Variants in CR2 observed in about 807,000 individuals in gnomAD.
The protein encoded by CR2 is complement C3d receptor 2.
Under a neutral mutation model 123.0 loss-of-function variants are expected in CR2, and 96 were observed. The ratio of observed to expected loss-of-function variants is 0.78; its 90% confidence interval spans 0.66 to 0.93. CR2 has a LOEUF of 0.93. Ranked by LOEUF, CR2 falls within the 40% of genes least tolerant of loss-of-function variation. CR2 has a pLI of 0.00. For synonymous variants in CR2, 484 were observed against 469.5 expected, an observed-to-expected ratio of 1.03 and a Z score of -0.40; for missense variants, 1,258 against 1,361.0, an observed-to-expected ratio of 0.92 and a Z score of 1.19.
At chr1:207,482,049 T>C (rs906639347) in intron 18 of CR2, among the ~76,000 whole-genome samples, 12 of 152,142 alleles carry the variant, frequency 7.9e-5, no homozygotes, top group Non-Finnish European at 5.9e-5. Context: ...AATATTGGCA[T>C]ATTTTAACCT....
At chr1:207,482,919 G>C (rs1658643466) in intron 18 of CR2, among the ~76,000 whole-genome samples, 1 of 151,428 alleles carries the variant, frequency 6.6e-6, no homozygotes, top group African/African-American at 2.4e-5. Flanking sequence ...GGTGATTGAA[G>C]GCGAAAGTGG....
intron 8 of CR2, 140 bp downstream of exon 8, chr1:207,471,227 A>C: frequency 1.1e-6 from 1 of 951,686 alleles, no homozygotes; most frequent in African/African-American, 1.6e-5. Context: ...TCACATGGTC[A>C]TGGAAGTGTC....
intron 17 of CR2, among the ~76,000 whole-genome samples, chr1:207,479,717 G>A (rs1658551747): frequency 6.6e-6 from 1 of 152,110 alleles, no homozygotes; most frequent in African/African-American, 2.4e-5. Flanking sequence ...AAAACTAAAA[G>A]GAACAGAAAA....
At chr1:207,470,677 C>G (rs1658244702) in intron 6 of CR2, 63 bp from the exon 7 acceptor site, 2 of 1,514,988 alleles carry the variant, frequency 1.3e-6, no homozygotes, top group Admixed American at 1.7e-5. Flanking sequence ...ATTTCTTTGG[C>G]TCAGTTTCTT....
intron 1 of CR2, among the ~76,000 whole-genome samples, chr1:207,455,270 C>T (rs1657805271): frequency 6.6e-6 from 1 of 152,202 alleles, no homozygotes; most frequent in Admixed American, 6.5e-5. Flanking sequence ...GTTTATAAGA[C>T]GTTTACTGTG....
At chr1:207,477,145 T>C (rs1333856337) in intron 15 of CR2, among the ~76,000 whole-genome samples, 3 of 152,222 alleles carry the variant, frequency 2.0e-5, no homozygotes, top group Non-Finnish European at 4.4e-5. Flanking sequence ...TATCTGAAAC[T>C]GGGTAATTTA....
rs779365020 is a variant in CR2 at position 207,454,439 on chromosome 1, C to T, written c.21C>T (p.Leu7=). 3.3e-5 allele frequency: 53 copies of T among 1,585,270 alleles called. No individual in the cohort carries two copies. The highest frequency in any genetic ancestry group is 4.2e-5 in the Non-Finnish European group (49 of 1,172,338). Residue 7 remains leucine (L), a synonymous_variant, in exon 1 of 20, where the codon CTC becomes CTT. Coordinates refer to ENST00000367057, the MANE Select transcript of CR2 (RefSeq NM_001006658.3). The surrounding 1 kb of genome is among the most constrained non-coding windows in gnomAD (Gnocchi z 4.3). Reference sequence around the variant, plus strand: ...GTGGCATGGGCGCCGCGGGCCTGCTCGGGGTTTTCTTGGCTCTCGTCGCAC... The same window carrying T: ...GTGGCATGGGCGCCGCGGGCCTGCTTGGGGTTTTCTTGGCTCTCGTCGCAC... The part of the protein sequence containing the change: MGAAGL[L]GVFLALVAPG...
At chr1:207,479,109 C>T (rs1658528684) in intron 16 of CR2, 148 bp from the exon 17 acceptor site, 1 of 678,156 alleles carries the variant, frequency 1.5e-6, no homozygotes. Context: ...CAGGCATGTG[C>T]CACTGTGCCT....
intron 2 of CR2, among the ~76,000 whole-genome samples, chr1:207,467,135 T>C (rs557469278): frequency 1.3e-5 from 2 of 152,162 alleles, no homozygotes; most frequent in East Asian, 3.9e-4. Flanking sequence ...CATGGAAAAA[T>C]GTAATTAAAC....
rs887308586 is a variant in CR2, at chr1:207,476,711, TAC to T, written c.2902+294_2902+295del. On this transcript the variant is annotated intron_variant, in intron 15 of 19. Transcript: ENST00000367057. Reference sequence around the variant, plus strand: ...ACAGATTGTATTTACACACTGTAGTTACAGTTATGTTAAGTGTGTATTTGATA... The same window carrying T: ...ACAGATTGTATTTACACACTGTAGTTAGTTATGTTAAGTGTGTATTTGATA... 8.5e-4 allele frequency among the ~76,000 whole-genome samples: 129 copies of T among 152,328 alleles called. 1 individual carries two copies. The highest frequency in any genetic ancestry group is 3.1e-3 in the African/African-American group (129 of 41,584).
intron 9 of CR2, 25 bp from the exon 10 acceptor site, chr1:207,472,747 C>T (rs1204568933): frequency 1.9e-6 from 3 of 1,610,756 alleles, no homozygotes; most frequent in African/African-American, 1.3e-5. Context: ...GAACTCAATT[C>T]TACAGTATCT....
chr1:207,456,253 T>G (rs1286590776), intron 1 of CR2, among the ~76,000 whole-genome samples: 1 of 152,192 alleles, frequency 6.6e-6, no homozygotes, highest in East Asian at 1.9e-4. Flanking sequence ...CTGTCTCCCA[T>G]GGCTCATGCT....
intron 1 of CR2, among the ~76,000 whole-genome samples, chr1:207,457,005 C>G (rs1657849290): frequency 6.6e-6 from 1 of 152,212 alleles, no homozygotes; most frequent in Non-Finnish European, 1.5e-5. Flanking sequence ...GCTTCTCTGA[C>G]TCTTGTCTGA....
At chr1:207,457,857 C>T (rs2102294550) in intron 1 of CR2, among the ~76,000 whole-genome samples, 1 of 152,086 alleles carries the variant, frequency 6.6e-6, no homozygotes, top group East Asian at 1.9e-4. Context: ...ATTTCTTCTT[C>T]CTAAAAAACC....
At chr1:207,486,977 T>G (rs939474997) in intron 19 of CR2, among the ~76,000 whole-genome samples, 1 of 151,950 alleles carries the variant, frequency 6.6e-6, no homozygotes, top group East Asian at 1.9e-4. Flanking sequence ...GAGATAAAAA[T>G]TTGGGCTTTG....
chr1:207,465,043 G>C (rs1042588328), intron 1 of CR2, among the ~76,000 whole-genome samples: 5 of 152,136 alleles, frequency 3.3e-5, no homozygotes, highest in Non-Finnish European at 7.4e-5. Flanking sequence ...CGATTCTCCT[G>C]TCTCAGCCTC....
At position 207,466,626 on chromosome 1, in the gene CR2, T is replaced by C; in HGVS notation, c.159T>C (p.Gly53=). ...CCGTGATAAGGTACAGTTGTTCAGG[T>C]ACCTTCCGCCTCATTGGAGAAAAAA... ...VGTVIRYSCS[G]TFRLIGEKSL... Residue 53 remains glycine, a synonymous_variant, in exon 2 of 20, where the codon GGT becomes GGC. Transcript: ENST00000367057. The C allele has an allele frequency of 6.2e-7, 1 of 1,614,122 alleles. No individual in the cohort carries two copies. Among genetic ancestry groups the C allele is most frequent in the South Asian group, 1.1e-5 (1 of 91,078 alleles).
chr1:207,476,137 T>C (rs1658430873), intron 14 of CR2, 97 bp from the exon 15 acceptor site: 2 of 1,180,798 alleles, frequency 1.7e-6, no homozygotes, highest in South Asian at 2.5e-5. Context: ...AGTTGGCTTG[T>C]TGCTTCTGGC....
intron 19 of CR2, among the ~76,000 whole-genome samples, chr1:207,487,023 A>G (rs532697004): frequency 6.6e-6 from 1 of 152,188 alleles, no homozygotes; most frequent in African/African-American, 2.4e-5. Flanking sequence ...GAGACTGAAT[A>G]AGATCTCCGA....
Sources: allele counts gnomAD v4.1 joint callset (sites outside exome capture counted in the v4.1 genomes callset), GRCh38; gene constraint gnomAD v4.1.1; non-coding constraint Gnocchi (gnomAD v3.1); transcripts MANE v1.5; gene names NCBI Gene and HGNC (gene_info 2026-07-23, HGNC 2026-07-21).